GDA: variants seen among roughly 807,000 people sequenced by gnomAD.
The protein encoded by GDA is cytoplasmic PSD-95 interactor.
Under a neutral mutation model 59.6 loss-of-function variants are expected in GDA, and 18 were observed. That is an observed-to-expected ratio of 0.30 (90% CI 0.21 to 0.45). GDA has a LOEUF of 0.45. Ranked by LOEUF, GDA falls within the 20% of genes least tolerant of loss-of-function variation. The pLI is 1.00. For missense variants in GDA, 427 were observed against 552.3 expected, an observed-to-expected ratio of 0.77 and a Z score of 2.27; for synonymous variants, 201 against 201.1, an observed-to-expected ratio of 1.00 and a Z score of 0.00.
chr9:72,243,453 T>A (rs1166012257), intron 11 of GDA, among the ~76,000 whole-genome samples: 1 of 152,184 alleles, frequency 6.6e-6, no homozygotes, highest in Admixed American at 6.5e-5. Flanking sequence ...TTAATTCAGT[T>A]GAATTCAGTC....
Position 72,250,517 on chromosome 9 carries a change from T to A in GDA, c.*2175T>A. 2.9e-6 allele frequency: 4 copies of A among 1,393,804 alleles called. No homozygotes were observed. The highest frequency in any genetic ancestry group is 3.7e-6 in the Non-Finnish European group (4 of 1,074,144). 86.3% of individuals were successfully genotyped at this position (1,393,804 alleles called of 1,614,324 possible). On this transcript the variant is annotated 3_prime_UTR_variant, in exon 14 of 14. Transcript: ENST00000358399. ...TGAAATATTTATATGTACTTTGATC[T>A]CTCCACATCACTTATAACTTATGTG... is the stretch of plus-strand genomic sequence containing the variant.
At chr9:72,186,509 T>C (rs1044183748) in intron 1 of GDA, among the ~76,000 whole-genome samples, 1 of 152,188 alleles carries the variant, frequency 6.6e-6, no homozygotes, top group African/African-American at 2.4e-5. Flanking sequence ...TATTTACCTC[T>C]CTTTATTTTC....
intron 1 of GDA, among the ~76,000 whole-genome samples, chr9:72,164,993 A>G (rs1829116890): frequency 6.6e-6 from 1 of 150,776 alleles, no homozygotes; most frequent in South Asian, 2.1e-4. Context: ...CCATCTCAAA[A>G]AAAAAAAAAA....
At chr9:72,200,221 C>G (rs1229087976) in intron 2 of GDA, among the ~76,000 whole-genome samples, 2 of 152,126 alleles carry the variant, frequency 1.3e-5, no homozygotes, top group Admixed American at 6.5e-5. Context: ...TGGTCTCGAT[C>G]TCCTGACCTC....
chr9:72,195,455 A>G, intron 1 of GDA, 45 bp from the exon 2 acceptor site: 1 of 732,304 alleles, frequency 1.4e-6, no homozygotes, highest in Non-Finnish European at 2.3e-6. Flanking sequence ...AATGACTGTG[A>G]CTCACTAATA....
intron 1 of GDA, among the ~76,000 whole-genome samples, chr9:72,179,976 CG>C (rs58824571): frequency 0.22 from 29,682 of 134,986 alleles, 3,506 homozygotes; most frequent in African/African-American, 0.38. Context: ...GAATTACTGG[CG>C]GGGGGGGTTA....
At chr9:72,123,748 A>G (rs1825757928) in intron 1 of GDA, among the ~76,000 whole-genome samples, 1 of 152,108 alleles carries the variant, frequency 6.6e-6, no homozygotes. Context: ...TGGCTTTCCA[A>G]AGTGCTGGGA....
chr9:72,195,176 T>A (rs1833004357), intron 1 of GDA, among the ~76,000 whole-genome samples: 1 of 152,174 alleles, frequency 6.6e-6, no homozygotes, highest in Non-Finnish European at 1.5e-5. Context: ...GGGTGATTGG[T>A]GAAGCCTTCT....
downstream of GDA, among the ~76,000 whole-genome samples, chr9:72,255,970 T>C (rs1255625718): frequency 1.6e-5 from 1 of 62,410 alleles, no homozygotes; most frequent in Non-Finnish European, 3.5e-5. Context: ...GAAGTCAGTA[T>C]AAATGCATAT....
intron 3 of GDA, among the ~76,000 whole-genome samples, chr9:72,209,105 T>C (rs977499794): frequency 1.3e-5 from 2 of 151,828 alleles, no homozygotes; most frequent in Admixed American, 6.6e-5. Flanking sequence ...TTTTTTTTTT[T>C]CCTGGAGTTT....
chr9:72,219,309 AG>A (rs1309507836), intron 5 of GDA, among the ~76,000 whole-genome samples, 169 bp from the exon 6 acceptor site: 1 of 152,108 alleles, frequency 6.6e-6, no homozygotes, highest in Non-Finnish European at 1.5e-5. Context: ...AGGCTGAGGC[AG>A]GAGAACGGCG....
rs367881014 is a variant in GDA at position 72,180,769 on chromosome 9, GA to G, written c.124-14722del. Among the ~76,000 whole-genome samples, 568 of 150,562 alleles carry G rather than the reference GA, an allele frequency of 3.8e-3. 4 individuals carry two copies. Among genetic ancestry groups the G allele is most frequent in the African/African-American group, 0.013 (543 of 41,076 alleles). On this transcript the variant is annotated intron_variant, in intron 1 of 13. Coordinates refer to ENST00000358399, the MANE Select transcript of GDA (RefSeq NM_004293.5). Reference sequence around the variant, plus strand: ...AAGCATCAGAGGATTCTGAATTTAGGAAAAAAAAATAAATTAGGCAGTAACA... The same window carrying G: ...AAGCATCAGAGGATTCTGAATTTAGGAAAAAAAATAAATTAGGCAGTAACA...
At chr9:72,173,065 AAC>A (rs1350972888) in intron 1 of GDA, among the ~76,000 whole-genome samples, 1 of 152,212 alleles carries the variant, frequency 6.6e-6, no homozygotes, top group Non-Finnish European at 1.5e-5. Flanking sequence ...TGGCTTAAGC[AAC>A]ACACGCAGAT....
intron 2 of GDA, among the ~76,000 whole-genome samples, chr9:72,200,118 C>T (rs568548609): frequency 5.0e-4 from 76 of 151,880 alleles, no homozygotes; most frequent in Non-Finnish European, 8.5e-4. Flanking sequence ...CTGCCTCAGC[C>T]GCCCGAGTAG....
downstream of GDA, among the ~76,000 whole-genome samples, chr9:72,259,769 G>A (rs372444019): frequency 6.6e-6 from 1 of 152,202 alleles, no homozygotes; most frequent in East Asian, 1.9e-4. Flanking sequence ...ATATCTTAAA[G>A]TCAGTGTAAT....
chr9:72,201,468 A>C (rs11143165), intron 2 of GDA, among the ~76,000 whole-genome samples: 107 of 152,188 alleles, frequency 7.0e-4, no homozygotes, highest in Non-Finnish European at 1.1e-3. Flanking sequence ...AGACAAGATC[A>C]AGATGACCAC....
chr9:72,211,596 T>C (rs1835375073), intron 4 of GDA, among the ~76,000 whole-genome samples: 2 of 152,154 alleles, frequency 1.3e-5, no homozygotes, highest in Admixed American at 1.3e-4. Flanking sequence ...AAATAGATAC[T>C]ACAGTCTTCA....
intron 3 of GDA, among the ~76,000 whole-genome samples, chr9:72,205,541 A>G (rs1329328554): frequency 2.0e-5 from 3 of 152,234 alleles, no homozygotes; most frequent in Non-Finnish European, 4.4e-5. Flanking sequence ...GACTCTGCCC[A>G]GCAAGGTGGG....
At position 72,121,009 on chromosome 9, in the gene GDA, T is replaced by C. The variant is rs1039179320; in HGVS notation, c.-100+6176T>C. On this transcript the variant is annotated intron_variant, in intron 1 of 13. Transcript: ENST00000545168. ...TACTCCATTAATGAGTCCCCTCTCC[T>C]TTATCTTCAGGTTCTTACTTCAACC... is the stretch of plus-strand genomic sequence containing the variant. 3.9e-5 allele frequency among the ~76,000 whole-genome samples: 6 copies of C among 152,280 alleles called. No individual in the cohort carries two copies. The South Asian group carries it at 1.2e-3, about 32-fold the overall frequency.
Sources: allele counts gnomAD v4.1 joint callset (sites outside exome capture counted in the v4.1 genomes callset), GRCh38; gene constraint gnomAD v4.1.1; transcripts MANE v1.5; gene names NCBI Gene and HGNC (gene_info 2026-07-23, HGNC 2026-07-21).